The following SLC14A2 variants were observed in gnomAD, a reference collection of about 807,000 sequenced individuals.
The protein encoded by SLC14A2 is urea transporter 2.
Under a neutral mutation model 104.6 loss-of-function variants are expected in SLC14A2, and 91 were observed. That is an observed-to-expected ratio of 0.87 (90% confidence interval 0.73 to 1.04). The LOEUF is 1.04. SLC14A2 is among the 50% of genes least tolerant of loss of function. The probability of loss-of-function intolerance (pLI) is 0.00; values close to 1 mark genes in which losing one functional copy is unlikely to be tolerated. For missense variants in SLC14A2, 1,189 were observed against 1,156.0 expected, an observed-to-expected ratio of 1.03 and a Z score of -0.41; for synonymous variants, 476 against 466.4, an observed-to-expected ratio of 1.02 and a Z score of -0.27.
At chr18:45,377,327 A>G (rs1442545445) in intron 1 of SLC14A2, among the ~76,000 whole-genome samples, 1 of 151,584 alleles carries the variant, frequency 6.6e-6, no homozygotes, top group Non-Finnish European at 1.5e-5. Context: ...GAGGATCCCC[A>G]CACTCAATCC....
intron 1 of SLC14A2, among the ~76,000 whole-genome samples, chr18:45,397,658 CTTAAGT>C (rs1252416292): frequency 6.6e-6 from 1 of 152,086 alleles, no homozygotes; most frequent in Non-Finnish European, 1.5e-5. Flanking sequence ...TGCAGAAGCT[CTTAAGT>C]TTAATTAGAT....
rs1026152536 is a variant in SLC14A2, at chr18:45,652,709, T to C, written c.1351+8549T>C. Among the ~76,000 whole-genome samples the C allele has an allele frequency of 3.9e-5, 6 of 152,200 alleles. No individual in the cohort carries two copies. In the South Asian group the frequency reaches 1.2e-3, roughly 32 times the overall value. On this transcript the variant is annotated intron_variant, in intron 10 of 19. Coordinates refer to ENST00000255226, the MANE Select transcript of SLC14A2 (RefSeq NM_007163.4). The stretch of plus-strand genomic sequence containing the variant: ...TTCAAATAAAGAGTGTAGGCACAAA[T>C]TGATCTCTTGAAGAGCCCTTGGTAT...
intron 1 of SLC14A2, among the ~76,000 whole-genome samples, chr18:45,441,148 C>T (rs1466475702): frequency 1.3e-5 from 2 of 152,168 alleles, no homozygotes; most frequent in Non-Finnish European, 2.9e-5. Context: ...CTGTCTTTGA[C>T]TGCATTCTAC....
At chr18:45,460,635 T>C (rs983743780) in intron 1 of SLC14A2, among the ~76,000 whole-genome samples, 3 of 152,224 alleles carry the variant, frequency 2.0e-5, no homozygotes, top group African/African-American at 7.2e-5. Context: ...ATTTCATGTA[T>C]CTTAAATTAG....
intron 2 of SLC14A2, among the ~76,000 whole-genome samples, chr18:45,522,752 TTTGC>T (rs1161478469): frequency 1.3e-5 from 2 of 152,192 alleles, no homozygotes; most frequent in South Asian, 4.1e-4. Flanking sequence ...AAGATTTCTG[TTTGC>T]TTGCTTGCTC....
chr18:45,343,623 G>A (rs1234104570), intron 1 of SLC14A2, among the ~76,000 whole-genome samples: 1 of 152,060 alleles, frequency 6.6e-6, no homozygotes, highest in Non-Finnish European at 1.5e-5. Flanking sequence ...AAAGGGAGGG[G>A]GAAGATGATA....
chr18:45,251,325 A>G (rs1209579079), intron 1 of SLC14A2, among the ~76,000 whole-genome samples: 2 of 152,200 alleles, frequency 1.3e-5, no homozygotes, highest in Admixed American at 6.5e-5. Flanking sequence ...ATAGTCTTCA[A>G]TTCTGTCCAG....
intron 10 of SLC14A2, among the ~76,000 whole-genome samples, chr18:45,663,326 C>A (rs1567999532): frequency 6.6e-6 from 1 of 152,192 alleles, no homozygotes; most frequent in Non-Finnish European, 1.5e-5. Context: ...CTTTTAAATA[C>A]CATGGGCATT....
In SLC14A2 at chr18:45,625,595, CAA is replaced by C. The variant is rs1038559172; in HGVS notation, c.151-83_151-82del. ...TTGTCTCATGATCCTTTATTTTTAT[CAA>C]AAAACCTGCCACCCTCCTCTATCCC... On this transcript the variant is annotated intron_variant, in intron 2 of 19. Transcript: ENST00000255226. 2.7e-5 allele frequency: 30 copies of C among 1,114,730 alleles called. No homozygotes were observed. The African/African-American group carries it at 4.3e-4, about 16-fold the overall frequency. 69.1% of individuals were successfully genotyped at this position (1,114,730 alleles called of 1,614,324 possible). A position where few individuals can be genotyped will look rare whatever the true frequency, so the allele number is the denominator to read the frequency against.
At chr18:45,173,515 A>G in the SLC14A2 span, among the ~76,000 whole-genome samples, 8 of 151,288 alleles carry the variant, frequency 5.3e-5, no homozygotes, top group South Asian at 1.7e-3. Flanking sequence ...AACTTACTGG[A>G]TGGAAGTTGG....
intron 2 of SLC14A2, among the ~76,000 whole-genome samples, chr18:45,491,262 G>A (rs1051671582): frequency 4.6e-5 from 7 of 152,208 alleles, no homozygotes; most frequent in African/African-American, 1.4e-4. Flanking sequence ...GTGAGTTCCC[G>A]TGAGCTAGAT....
chr18:45,285,817 T>G (rs2084809677), intron 1 of SLC14A2, among the ~76,000 whole-genome samples: 2 of 151,728 alleles, frequency 1.3e-5, no homozygotes, highest in South Asian at 4.2e-4. Context: ...GTCTCCTCTT[T>G]GGGGCACAGT....
intron 2 of SLC14A2, among the ~76,000 whole-genome samples, chr18:45,484,844 A>G (rs972868207): frequency 6.6e-6 from 1 of 152,180 alleles, no homozygotes; most frequent in Non-Finnish European, 1.5e-5. Flanking sequence ...TTAGGGTTGT[A>G]AAGTCCCAAG....
intron 1 of SLC14A2, among the ~76,000 whole-genome samples, chr18:45,288,503 G>A (rs983470775): frequency 2.7e-4 from 41 of 152,258 alleles, no homozygotes; most frequent in African/African-American, 9.4e-4. Context: ...CTGTTCTGGT[G>A]CCCTGGCAGC....
intron 11 of SLC14A2, 28 bp downstream of exon 11, chr18:45,663,935 G>T (rs1217977997): frequency 2.5e-6 from 4 of 1,590,406 alleles, no homozygotes; most frequent in African/African-American, 1.3e-5. Flanking sequence ...CTCACGCTTG[G>T]ATCCCTGCCT....
chr18:45,641,161 T>G (rs750077107), intron 7 of SLC14A2, 48 bp from the exon 8 acceptor site: 25 of 1,602,804 alleles, frequency 1.6e-5, no homozygotes, highest in Non-Finnish European at 1.8e-5. Flanking sequence ...GGGTGGTCTT[T>G]GTTCTGTGGC....
At chr18:45,350,196 G>A (rs984915568) in intron 1 of SLC14A2, among the ~76,000 whole-genome samples, 3 of 152,194 alleles carry the variant, frequency 2.0e-5, no homozygotes, top group African/African-American at 7.2e-5. Flanking sequence ...CCAGAGAAAC[G>A]TGCGAGAAAC....
At chr18:45,527,949 C>T (rs2043620609) in intron 2 of SLC14A2, 1 of 152,120 alleles carries the variant, frequency 6.6e-6, no homozygotes, top group Admixed American at 6.6e-5. Flanking sequence ...GGAGCATCGT[C>T]CTGTAATCAA....
At chr18:45,500,564 G>A (rs1442625274) in intron 2 of SLC14A2, among the ~76,000 whole-genome samples, 2 of 122,572 alleles carry the variant, frequency 1.6e-5, no homozygotes, top group Non-Finnish European at 3.3e-5. Flanking sequence ...GCGACAGAGC[G>A]AGACTCCGTC....
Sources: allele counts gnomAD v4.1 joint callset (sites outside exome capture counted in the v4.1 genomes callset), GRCh38; gene constraint gnomAD v4.1.1; transcripts MANE v1.5; gene names NCBI Gene and HGNC (gene_info 2026-07-23, HGNC 2026-07-21).